Variants in STK32B observed in about 807,000 individuals in gnomAD.
STK32B encodes serine/threonine-protein kinase 32B.
A neutral mutation model predicts 52.6 loss-of-function variants in STK32B; 43 were observed. The observed-to-expected ratio is 0.82, with a 90% CI of 0.64 to 1.05. The LOEUF (loss-of-function observed/expected upper bound fraction) is 1.05, where lower values mean the gene tolerates loss of function less well. Among genes scored for constraint, STK32B ranks in the 50% least tolerant of loss-of-function variants. The probability of loss-of-function intolerance (pLI) is 0.00; values close to 1 mark genes in which losing one functional copy is unlikely to be tolerated. For synonymous variants in STK32B, 238 were observed against 204.3 expected, an observed-to-expected ratio of 1.17 and a Z score of -1.41; for missense variants, 621 against 534.6, an observed-to-expected ratio of 1.16 and a Z score of -1.59.
At chr4:5,231,042 C>T (rs1253982836) in intron 3 of STK32B, among the ~76,000 whole-genome samples, 1 of 152,180 alleles carries the variant, frequency 6.6e-6, no homozygotes, top group Non-Finnish European at 1.5e-5. Flanking sequence ...TCAGGTGCCC[C>T]AGAGCTCCCC....
chr4:5,128,964 C>A (rs1000357480), intron 1 of STK32B, among the ~76,000 whole-genome samples: 7 of 152,214 alleles, frequency 4.6e-5, no homozygotes, highest in Non-Finnish European at 1.0e-4. Flanking sequence ...CACGTAGTTT[C>A]TCAGTGTGTA....
chr4:5,127,143 C>G, intron 1 of STK32B: 1 of 507,102 alleles, frequency 2.0e-6, no homozygotes, highest in South Asian at 1.5e-5. Context: ...GATCTTGATG[C>G]CAATGATTAC....
At chr4:5,290,607 A>AT (rs917419237) in intron 3 of STK32B, among the ~76,000 whole-genome samples, 1 of 151,342 alleles carries the variant, frequency 6.6e-6, no homozygotes, top group African/African-American at 2.4e-5. Flanking sequence ...TAATTACTTA[A>AT]TTTTTTTTAA....
chr4:5,076,567 T>C (rs1223994303), intron 1 of STK32B, among the ~76,000 whole-genome samples: 1 of 152,216 alleles, frequency 6.6e-6, no homozygotes, highest in Non-Finnish European at 1.5e-5. Flanking sequence ...AAACATTTTT[T>C]CTACATTGTT....
chr4:5,407,004 C>T (rs1737727033), intron 5 of STK32B, among the ~76,000 whole-genome samples: 1 of 152,120 alleles, frequency 6.6e-6, no homozygotes, highest in South Asian at 2.1e-4. Context: ...ATTCTGCTTC[C>T]CATTTACATA....
At chr4:5,101,499 T>C (rs772703721) in intron 1 of STK32B, among the ~76,000 whole-genome samples, 42 of 152,190 alleles carry the variant, frequency 2.8e-4, no homozygotes, top group Non-Finnish European at 5.7e-4. Flanking sequence ...AAGACCATCA[T>C]TGATATGAAA....
intron 3 of STK32B, among the ~76,000 whole-genome samples, chr4:5,247,931 T>G (rs994924768): frequency 2.0e-5 from 3 of 152,172 alleles, no homozygotes; most frequent in Non-Finnish European, 4.4e-5. Context: ...GCTCATCTCC[T>G]TGGGGTGATT....
chr4:5,318,137 A>G (rs1483206676), intron 3 of STK32B, among the ~76,000 whole-genome samples: 1 of 152,106 alleles, frequency 6.6e-6, no homozygotes, highest in African/African-American at 2.4e-5. Context: ...GTGTGAATGC[A>G]TGCACTTGTG....
chr4:5,056,605 G>C (rs1032335441), intron 1 of STK32B, among the ~76,000 whole-genome samples: 11 of 152,196 alleles, frequency 7.2e-5, no homozygotes, highest in Admixed American at 2.6e-4. Context: ...CCTCCATGTT[G>C]ATAGCTCCAG....
intron 3 of STK32B, among the ~76,000 whole-genome samples, chr4:5,321,763 T>C (rs1560318287): frequency 6.6e-6 from 1 of 152,164 alleles, no homozygotes; most frequent in Non-Finnish European, 1.5e-5. Context: ...GGGGGCACCG[T>C]GGACCTGAAG....
chr4:5,189,311 C>A (rs888603298), intron 3 of STK32B, among the ~76,000 whole-genome samples: 1 of 152,228 alleles, frequency 6.6e-6, no homozygotes, highest in African/African-American at 2.4e-5. Flanking sequence ...TCCACTGATT[C>A]ATCCCTCGTT....
chr4:5,188,365 CTG>C (rs1284387012), intron 3 of STK32B, among the ~76,000 whole-genome samples: 3 of 152,154 alleles, frequency 2.0e-5, no homozygotes, highest in Admixed American at 6.5e-5. Flanking sequence ...AAATTGGAAA[CTG>C]TGGTGCCCTT....
Position 5,111,927 on chromosome 4 carries a change from A to AAAGGAGATT in STK32B, c.53-27977_53-27969dup, listed in dbSNP as rs1194429693. Among the ~76,000 whole-genome samples, 9 of 152,240 alleles carry AAAGGAGATT rather than the reference A, an allele frequency of 5.9e-5. No homozygotes were observed. The South Asian group carries it at 1.7e-3, about 28-fold the overall frequency. ...AGACAGGGAAGGGAAAGCAGCAAATAAAGGAGATTTCATCATGCAGGTACC... is the reference window on the plus strand; with the variant it reads ...AGACAGGGAAGGGAAAGCAGCAAATAAAGGAGATTAAGGAGATTTCATCATGCAGGTACC... On this transcript the variant is annotated intron_variant, in intron 1 of 11. Transcript: ENST00000282908.
chr4:5,465,347 G>A (rs1280245012), intron 9 of STK32B, among the ~76,000 whole-genome samples: 1 of 152,106 alleles, frequency 6.6e-6, no homozygotes, highest in Non-Finnish European at 1.5e-5. Flanking sequence ...GAGTTCCTGG[G>A]AGTTAGGGAA....
chr4:5,346,784 C>T (rs1044591490), intron 4 of STK32B, among the ~76,000 whole-genome samples: 1 of 138,628 alleles, frequency 7.2e-6, no homozygotes, highest in Non-Finnish European at 1.5e-5. Flanking sequence ...CATTTTCACA[C>T]TGTTATAAAG....
At chr4:5,496,517 C>T (rs577141149) in intron 11 of STK32B, among the ~76,000 whole-genome samples, 1 of 147,592 alleles carries the variant, frequency 6.8e-6, no homozygotes, top group African/African-American at 2.7e-5. Flanking sequence ...TCCCTGACCC[C>T]TTGCGCTTCC....
At chr4:5,442,634 T>G (rs57923972) in intron 6 of STK32B, among the ~76,000 whole-genome samples, 82 of 152,100 alleles carry the variant, frequency 5.4e-4, no homozygotes, top group African/African-American at 1.8e-3. Context: ...TGTGTGAATT[T>G]GATCCTGTCA....
intron 3 of STK32B, among the ~76,000 whole-genome samples, chr4:5,256,255 C>A (rs1726287887): frequency 1.3e-5 from 2 of 152,164 alleles, no homozygotes; most frequent in South Asian, 4.1e-4. Context: ...AGCTTAGTGT[C>A]TTTTAAGCCA....
chr4:5,389,868 G>T (rs1330693294), intron 4 of STK32B, among the ~76,000 whole-genome samples: 1 of 152,220 alleles, frequency 6.6e-6, no homozygotes, highest in Non-Finnish European at 1.5e-5. Flanking sequence ...TGGGCCCAAT[G>T]GAATCACAAG....
Sources: allele counts gnomAD v4.1 joint callset (sites outside exome capture counted in the v4.1 genomes callset), GRCh38; gene constraint gnomAD v4.1.1; transcripts MANE v1.5; gene names NCBI Gene and HGNC (gene_info 2026-07-23, HGNC 2026-07-21).